DCDC2: variants seen among roughly 807,000 people sequenced by gnomAD.
DCDC2 encodes the protein doublecortin domain-containing protein 2.
In DCDC2, 40 loss-of-function variants were observed where a neutral mutation model predicts 50.2. That is an observed-to-expected ratio of 0.80 (90% CI 0.62 to 1.04). The LOEUF is 1.04. Among genes scored for constraint, DCDC2 ranks in the 50% least tolerant of loss-of-function variants. The pLI is 0.00. For synonymous variants in DCDC2, 234 were observed against 210.6 expected (o/e 1.11, Z -0.96); for missense variants, 570 against 581.9 (o/e 0.98, Z 0.21).
intron 2 of DCDC2, among the ~76,000 whole-genome samples, chr6:24,350,244 C>A (rs1760342759): frequency 6.6e-6 from 1 of 152,174 alleles, no homozygotes. Flanking sequence ...GACCTGAAGT[C>A]AATAAGCAGG....
intron 4 of DCDC2, among the ~76,000 whole-genome samples, chr6:24,291,603 A>G (rs1446242089): frequency 6.9e-6 from 1 of 144,342 alleles, no homozygotes; most frequent in Admixed American, 7.3e-5. Context: ...CTCCTGCCTC[A>G]GCCTCCCAAG....
chr6:24,353,780 A>G (rs1211464725), intron 1 of DCDC2, among the ~76,000 whole-genome samples, 157 bp from the exon 2 acceptor site: 1 of 144,766 alleles, frequency 6.9e-6, no homozygotes, highest in East Asian at 1.9e-4. Context: ...TACAATAGTA[A>G]AAACTGTTTG....
At chr6:24,353,666 CT>C in intron 1 of DCDC2, 43 bp from the exon 2 acceptor site, 1 of 1,191,444 alleles carries the variant, frequency 8.4e-7, no homozygotes, top group Non-Finnish European at 1.2e-6. Context: ...CTTTTATAGA[CT>C]TTAAGTCAGT....
At chr6:24,265,969 T>C (rs1763112224) in intron 7 of DCDC2, among the ~76,000 whole-genome samples, 1 of 150,844 alleles carries the variant, frequency 6.6e-6, no homozygotes, top group African/African-American at 2.4e-5. Flanking sequence ...AAAAATAAAA[T>C]TGACAAATTT....
chr6:24,286,003 A>C (rs188609610), intron 6 of DCDC2, among the ~76,000 whole-genome samples: 38 of 152,308 alleles, frequency 2.5e-4, no homozygotes, highest in African/African-American at 8.9e-4. Context: ...AGCAAAATAC[A>C]ATTTCCAATC....
intron 7 of DCDC2, among the ~76,000 whole-genome samples, chr6:24,249,775 C>T (rs370438410): frequency 2.0e-5 from 3 of 152,208 alleles, no homozygotes; most frequent in African/African-American, 7.2e-5. Flanking sequence ...AGATCCTCTA[C>T]AAAGCCTTGT....
rs73382246 is a variant in DCDC2 at position 24,355,787 on chromosome 6, A to G, written c.293+1671T>C. On this transcript the variant is annotated intron_variant, in intron 1 of 9. Coordinates refer to ENST00000378454, the MANE Select transcript of DCDC2 (RefSeq NM_016356.5). ...ATGAAAAGAATGTCTGACGTAACAA[A>G]AAGTATAATAGAATACCTAGAACTC... Among the ~76,000 whole-genome samples, 437 of 152,336 alleles carry G rather than the reference A, an allele frequency of 2.9e-3. 5 individuals are homozygous for G. Among genetic ancestry groups the G allele is most frequent in the African/African-American group, 9.9e-3 (410 of 41,574 alleles).
intron 6 of DCDC2, among the ~76,000 whole-genome samples, chr6:24,283,170 G>GA (rs777959822): frequency 1.3e-5 from 2 of 152,294 alleles, no homozygotes; most frequent in East Asian, 1.9e-4. Context: ...CTTGTCACTA[G>GA]AAAACAGCCT....
At chr6:24,292,304 C>G (rs1258487079) in intron 4 of DCDC2, among the ~76,000 whole-genome samples, 1 of 151,812 alleles carries the variant, frequency 6.6e-6, no homozygotes, top group Non-Finnish European at 1.5e-5. Context: ...TTTCTGTCTT[C>G]CTATATTACA....
At chr6:24,333,918 T>C (rs2127241998) in intron 2 of DCDC2, among the ~76,000 whole-genome samples, 1 of 152,236 alleles carries the variant, frequency 6.6e-6, no homozygotes, top group South Asian at 2.1e-4. Context: ...TGGGCATGAT[T>C]AAGCAGTGAG....
chr6:24,358,892 TA>T (rs1561788441), upstream of DCDC2, among the ~76,000 whole-genome samples: 9 of 34,244 alleles, frequency 2.6e-4, 1 homozygote, highest in Admixed American at 3.5e-3. Context: ...TATATATTTA[TA>T]TATATAATAT....
At chr6:24,329,353 G>C (rs1229218708) in intron 2 of DCDC2, among the ~76,000 whole-genome samples, 2 of 152,082 alleles carry the variant, frequency 1.3e-5, no homozygotes, top group Non-Finnish European at 2.9e-5. Context: ...GAGTATGTAA[G>C]TATCAATATT....
chr6:24,382,575 T>C, the DCDC2 span, among the ~76,000 whole-genome samples: 1 of 152,164 alleles, frequency 6.6e-6, no homozygotes, highest in African/African-American at 2.4e-5. Flanking sequence ...TGTTGTTACT[T>C]TTGCTAAACT....
chr6:24,216,264 A>C lies in DCDC2; in HGVS notation c.923-11162T>G, dbSNP rs553673992. On this transcript the variant is annotated intron_variant, in intron 7 of 9. Transcript: ENST00000378454. ...GTTAGGGACAGAGTTCTAGGAAACA[A>C]CATTTAAGGGATGGGCAGAAGAGAA... Among the ~76,000 whole-genome samples, 3 of 152,308 alleles carry C rather than the reference A, an allele frequency of 2.0e-5. No individual in the cohort carries two copies. In the East Asian group the frequency reaches 5.8e-4, roughly 29 times the overall value.
At chr6:24,183,420 A>G in intron 8 of DCDC2, among the ~76,000 whole-genome samples, 1 of 152,220 alleles carries the variant, frequency 6.6e-6, no homozygotes, top group Non-Finnish European at 1.5e-5. Context: ...AAAGGAGCCC[A>G]CACCAGGAAG....
intron 6 of DCDC2, among the ~76,000 whole-genome samples, chr6:24,287,283 T>G (rs1408013600): frequency 6.6e-6 from 1 of 152,222 alleles, no homozygotes; most frequent in Non-Finnish European, 1.5e-5. Context: ...GCTGTGTGGA[T>G]GCAATTCCTC....
chr6:24,248,498 G>A (rs1293019858), intron 7 of DCDC2, among the ~76,000 whole-genome samples: 8 of 152,038 alleles, frequency 5.3e-5, no homozygotes. Context: ...ATCAGTGGTA[G>A]TATTAGTATT....
chr6:24,329,878 T>C (rs998776456), intron 2 of DCDC2, among the ~76,000 whole-genome samples: 4 of 152,184 alleles, frequency 2.6e-5, no homozygotes, highest in Admixed American at 6.5e-5. Flanking sequence ...TTCCTTTCCA[T>C]TGAATTGTAA....
chr6:24,279,046 C>A (rs1190184285), intron 6 of DCDC2, among the ~76,000 whole-genome samples: 1 of 152,172 alleles, frequency 6.6e-6, no homozygotes, highest in African/African-American at 2.4e-5. Flanking sequence ...ACAATGAAGA[C>A]CCTGTGGCTG....
Sources: allele counts gnomAD v4.1 joint callset (sites outside exome capture counted in the v4.1 genomes callset), GRCh38; gene constraint gnomAD v4.1.1; transcripts MANE v1.5; gene names NCBI Gene and HGNC (gene_info 2026-07-23, HGNC 2026-07-21).